Variants in SDCBP2 observed in about 807,000 individuals in gnomAD.
The protein encoded by SDCBP2 is syndecan binding protein 2.
Under a neutral mutation model 30.7 loss-of-function variants are expected in SDCBP2, and 28 were observed. That is an observed-to-expected ratio of 0.91 (90% CI 0.68 to 1.25). SDCBP2 has a LOEUF of 1.25. Among genes scored for constraint, SDCBP2 ranks in the 50% most tolerant of loss-of-function variants. The probability of loss-of-function intolerance (pLI) is 0.00; values close to 1 mark genes in which losing one functional copy is unlikely to be tolerated. For synonymous variants in SDCBP2, 166 were observed against 157.3 expected (o/e 1.06, Z -0.41); for missense variants, 399 against 379.0 (o/e 1.05, Z -0.44).
Position 1,310,839 on chromosome 20 carries a change from G to T in SDCBP2, c.785C>A (p.Thr262Asn). 1 of 1,614,044 alleles carries T rather than the reference G, an allele frequency of 6.2e-7. No individual in the cohort carries two copies. Among genetic ancestry groups the T allele is most frequent in the African/African-American group, 1.3e-5 (1 of 75,016 alleles). Residue 262 changes from threonine (T) to asparagine (N), a missense_variant, in exon 8 of 9, where the codon ACC becomes AAC. Physicochemically the swap from Thr to Asn is moderately conservative, Grantham distance 65. Transcript: ENST00000360779. ...CTCGTAGATCACACTGGGGATGATGGTCAGGGTGACAACGTTCCCAGCCGT... is the reference window on the plus strand; with the variant it reads ...CTCGTAGATCACACTGGGGATGATGTTCAGGGTGACAACGTTCCCAGCCGT... ...LATAGNVVTLTIIPSVIYEHM... is the reference protein window; with the variant it reads ...LATAGNVVTLNIIPSVIYEHM...
At chr20:1,316,854 A>G (rs754101668) in intron 4 of SDCBP2, among the ~76,000 whole-genome samples, 10 of 152,232 alleles carry the variant, frequency 6.6e-5, no homozygotes, top group Non-Finnish European at 1.2e-4. Flanking sequence ...CTATTCTTCA[A>G]CAGGTTAAAC....
At chr20:1,311,165 C>T (rs1051322267) in intron 7 of SDCBP2, 19 of 392,170 alleles carry the variant, frequency 4.8e-5, no homozygotes, top group Non-Finnish European at 7.8e-5. Context: ...TGAAGGCCAG[C>T]GGTGTGAGCC....
chr20:1,325,155 G>T (rs1247260216), intron 1 of SDCBP2, among the ~76,000 whole-genome samples: 1 of 152,134 alleles, frequency 6.6e-6, no homozygotes, highest in Non-Finnish European at 1.5e-5. Flanking sequence ...CCAACGCAAC[G>T]GTCCCTAGGG....
chr20:1,318,521 G>A, intron 3 of SDCBP2, 103 bp from the exon 4 acceptor site: 7 of 674,516 alleles, frequency 1.0e-5, no homozygotes, highest in Non-Finnish European at 1.3e-5. Flanking sequence ...AAGAAATGGA[G>A]CCTGGGAATG....
chr20:1,315,811 T>C (rs976735120), intron 4 of SDCBP2, among the ~76,000 whole-genome samples: 2 of 151,898 alleles, frequency 1.3e-5, no homozygotes, highest in Admixed American at 1.3e-4. Flanking sequence ...AGCTACAGAC[T>C]GAGAGAAAAC....
Position 1,313,275 on chromosome 20 carries a change from C to CT in SDCBP2, c.384+64dup. On this transcript the variant is annotated intron_variant, in intron 5 of 8. Coordinates refer to ENST00000360779, the MANE Select transcript of SDCBP2 (RefSeq NM_080489.5). The surrounding 1 kb of genome is among the most constrained non-coding windows in gnomAD (Gnocchi z 5.2). ...TTACTGTGGACGGGCCCTCTGAGCTCTGAGGCCTGGCGGGAGAGCGCGTGC... is the reference window on the plus strand; with the variant it reads ...TTACTGTGGACGGGCCCTCTGAGCTCTTGAGGCCTGGCGGGAGAGCGCGTGC... The CT allele has an allele frequency of 6.5e-7, 1 of 1,538,808 alleles. No individual in the cohort carries two copies. The highest frequency in any genetic ancestry group is 8.8e-7 in the Non-Finnish European group (1 of 1,131,804).
At chr20:1,312,926 A>G in intron 5 of SDCBP2, 164 bp from the exon 6 acceptor site, 1 of 723,326 alleles carries the variant, frequency 1.4e-6, no homozygotes, top group Non-Finnish European at 2.2e-6. Flanking sequence ...CGGGGAGGAA[A>G]CACTCTAGGC....
At chr20:1,327,481 G>A (rs1171345184) in intron 1 of SDCBP2, among the ~76,000 whole-genome samples, 1 of 152,160 alleles carries the variant, frequency 6.6e-6, no homozygotes, top group East Asian at 1.9e-4. Context: ...GTGGTGAGTC[G>A]GAATAGAAGA....
chr20:1,326,320 A>G (rs1376428283), intron 1 of SDCBP2, among the ~76,000 whole-genome samples: 1 of 152,182 alleles, frequency 6.6e-6, no homozygotes, highest in African/African-American at 2.4e-5. Flanking sequence ...AGTTATCCTC[A>G]GCTCCTCCCT....
At chr20:1,325,395 T>C (rs2088907422) in intron 1 of SDCBP2, 1 of 151,734 alleles carries the variant, frequency 6.6e-6, no homozygotes, top group Non-Finnish European at 1.5e-5. Flanking sequence ...CGGTTAGGGG[T>C]GACTCCCACG....
chr20:1,328,378 G>C (rs1600290377), intron 1 of SDCBP2, among the ~76,000 whole-genome samples: 1 of 152,118 alleles, frequency 6.6e-6, no homozygotes, highest in Non-Finnish European at 1.5e-5. Flanking sequence ...GGGCAGGAGT[G>C]GGAGCAGGAG....
Position 1,312,732 on chromosome 20 carries a change from T to G in SDCBP2, c.415A>C (p.Thr139Pro). ...GLFVQLVQAN[T>P]PASLVGLRFG... Reference sequence around the variant, plus strand: ...CGCAGCCCCACAAGGGATGCAGGGGTGTTGGCCTGGACCAACTGCACAAAG... The same window carrying G: ...CGCAGCCCCACAAGGGATGCAGGGGGGTTGGCCTGGACCAACTGCACAAAG... The change falls in exon 6 of 9, where the codon ACC becomes CCC. Residue 139 changes from threonine to proline, a missense_variant. By Grantham distance (38) the Thr-to-Pro change is conservative. Coordinates refer to ENST00000360779, the MANE Select transcript of SDCBP2 (RefSeq NM_080489.5). The G allele has an allele frequency of 6.2e-7, 1 of 1,613,582 alleles. No individual in the cohort carries two copies. The highest frequency in any genetic ancestry group is 8.5e-7 in the Non-Finnish European group (1 of 1,179,916).
Position 1,311,313 on chromosome 20 carries a change from G to A in SDCBP2, c.733-422C>T, listed in dbSNP as rs562414186. Among the ~76,000 whole-genome samples the A allele has an allele frequency of 2.9e-3, 436 of 152,242 alleles. 4 individuals are homozygous for A. Among genetic ancestry groups the A allele is most frequent in the African/African-American group, 9.9e-3 (410 of 41,540 alleles). On this transcript the variant is annotated intron_variant, in intron 7 of 8. Transcript: ENST00000360779. ...CCCCATCCTGTGGGAGGTACTAGGC[G>A]TACCCATCCACCCTCTGGCTCCTGC...
intron 4 of SDCBP2, among the ~76,000 whole-genome samples, chr20:1,314,805 C>T (rs1424269278): frequency 6.6e-6 from 1 of 152,078 alleles, no homozygotes; most frequent in Non-Finnish European, 1.5e-5. Flanking sequence ...TCTAACAAAA[C>T]ACATACAGGA....
At chr20:1,316,050 C>T (rs544089995) in intron 4 of SDCBP2, among the ~76,000 whole-genome samples, 27 of 152,244 alleles carry the variant, frequency 1.8e-4, no homozygotes, top group African/African-American at 6.3e-4. Context: ...TGCAGTGACC[C>T]GTGATCGCAC....
chr20:1,310,490 G>A lies in SDCBP2; in HGVS notation c.830C>T (p.Pro277Leu), dbSNP rs1352760253. 2 of 1,613,724 alleles carry A rather than the reference G, an allele frequency of 1.2e-6. No individual in the cohort carries two copies. Among genetic ancestry groups the A allele is most frequent in the Non-Finnish European group, 1.7e-6 (2 of 1,179,972 alleles). The change falls in exon 9 of 9, where the codon CCT becomes CTT. Residue 277 changes from proline (P) to leucine (L), a missense_variant. Physicochemically the swap from Pro to Leu is moderately conservative, Grantham distance 98. Transcript: ENST00000360779. The part of the protein sequence containing the change: ...VIYEHMVKKL[P>L]PVLLHHTMDH... ...CATGGTGTGGTGGAGCAGGACTGGA[G>A]GCAACCTGGATACAGCAACAACAGT...
intron 8 of SDCBP2, 54 bp from the exon 9 acceptor site, chr20:1,310,549 A>G (rs1479462939): frequency 5.8e-6 from 9 of 1,554,416 alleles, no homozygotes; most frequent in Non-Finnish European, 7.9e-6. Flanking sequence ...TCCACCCTCC[A>G]GCAACCTCCA....
chr20:1,318,608 G>A (rs147426515), intron 3 of SDCBP2, among the ~76,000 whole-genome samples, 190 bp from the exon 4 acceptor site: 1 of 152,152 alleles, frequency 6.6e-6, no homozygotes, highest in Non-Finnish European at 1.5e-5. Context: ...CAGGTGCAGG[G>A]TAGGACACCG....
intron 5 of SDCBP2, 103 bp from the exon 6 acceptor site, chr20:1,312,865 G>T: frequency 7.7e-7 from 1 of 1,299,290 alleles, no homozygotes; most frequent in South Asian, 1.5e-5. Context: ...GAACCTACAG[G>T]GTGCCAGGGA....
Sources: gnomAD v4.1 joint callset for allele counts (sites outside exome capture counted in the v4.1 genomes callset) on GRCh38, gnomAD v4.1.1 for gene constraint, Gnocchi (gnomAD v3.1) non-coding constraint, MANE v1.5 for transcripts, NCBI Gene and HGNC (gene_info 2026-07-23, HGNC 2026-07-21) for gene names.